HIVEP1: variants seen among roughly 807,000 people sequenced by gnomAD.
HIVEP1 encodes the protein zinc finger protein 40.
A neutral mutation model predicts 180.0 loss-of-function variants in HIVEP1; 36 were observed. That is an observed-to-expected ratio of 0.20 (90% CI 0.15 to 0.26). The LOEUF is 0.26. Among genes scored for constraint, HIVEP1 ranks in the 10% least tolerant of loss-of-function variants. HIVEP1 has a pLI of 1.00. For missense variants in HIVEP1, 3,143 were observed against 3,268.7 expected (o/e 0.96, Z 0.94); for synonymous variants, 1,239 against 1,239.0 (o/e 1.00, Z 0.00).
chr6:12,020,520 T>C, intron 2 of HIVEP1: 1 of 458,016 alleles, frequency 2.2e-6, no homozygotes, highest in East Asian at 7.0e-5. Context: ...GGCCTTCGCT[T>C]GGACCCTTGA....
chr6:12,188,086 T>C, the HIVEP1 span, among the ~76,000 whole-genome samples: 2 of 152,170 alleles, frequency 1.3e-5, no homozygotes, highest in African/African-American at 2.4e-5. Flanking sequence ...GTCTGAGATA[T>C]TTTCAGTTAA....
intron 8 of HIVEP1, 130 bp from the exon 9 acceptor site, chr6:12,163,153 A>C (rs977446243): frequency 3.8e-5 from 28 of 740,988 alleles, no homozygotes; most frequent in Non-Finnish European, 6.3e-5. Context: ...CATTGCAGCA[A>C]ACATCATTTT....
At position 12,124,635 on chromosome 6, in the gene HIVEP1, C is replaced by T. The variant is rs761408357; in HGVS notation, c.4840C>T (p.Pro1614Ser). ...AATTGACAGCATGTCTAATTCGCAT[C>T]CTCTGCTACCACCAGAGCTCAGGCC... ...KLIDSMSNSH[P>S]LLPPELRPLG... The change falls in exon 4 of 9, where the codon CCT (proline) becomes TCT (serine). Residue 1614 changes from proline (P) to serine (S), a missense_variant. Around this residue, in one of 12 missense-constraint regions of HIVEP1, gnomAD observed 1,357 missense variants for 1,260.5 expected, o/e 1.08. Coordinates refer to ENST00000379388, the MANE Select transcript of HIVEP1 (RefSeq NM_002114.4). The T allele has an allele frequency of 1.9e-6, 3 of 1,614,148 alleles. No individual in the cohort carries two copies. Among genetic ancestry groups the T allele is most frequent in the African/African-American group, 1.3e-5 (1 of 75,044 alleles).
chr6:12,207,766 T>TAATAATAATAATAATAATAATAA, the HIVEP1 span, among the ~76,000 whole-genome samples: 13 of 149,640 alleles, frequency 8.7e-5, no homozygotes, highest in Middle Eastern at 3.5e-3. Flanking sequence ...ATAATAATAA[T>TAATAATAATAATAATAATAATAA]TAGCCAGGTG....
In HIVEP1 at chr6:12,164,263, A is replaced by G. The variant is rs374739651; in HGVS notation, c.7959A>G (p.Ile2653Met). The change falls in exon 9 of 9, where the codon ATA becomes ATG. Residue 2653 changes from isoleucine (I) to methionine (M), a missense_variant. By Grantham distance (10) the Ile-to-Met change is conservative. Transcript: ENST00000379388. ...HVKPKPELTSIQGQPASTSQP... is the reference protein window; with the variant it reads ...HVKPKPELTSMQGQPASTSQP... ...AGCCCAAGCCTGAACTCACTTCCAT[A>G]CAGGGCCAACCAGCGTCCACGTCAC... is the stretch of plus-strand genomic sequence containing the variant. 9 of 1,614,012 alleles carry G rather than the reference A, an allele frequency of 5.6e-6. No homozygotes were observed. In the East Asian group the frequency reaches 6.7e-5, roughly 12 times the overall value.
chr6:12,031,876 T>C (rs1247234147), intron 2 of HIVEP1, among the ~76,000 whole-genome samples: 1 of 152,056 alleles, frequency 6.6e-6, no homozygotes, highest in Non-Finnish European at 1.5e-5. Flanking sequence ...TACCATTCTG[T>C]CCTCCTGTGG....
At chr6:12,035,522 T>G (rs768061821) in intron 2 of HIVEP1, among the ~76,000 whole-genome samples, 23 of 152,252 alleles carry the variant, frequency 1.5e-4, no homozygotes, top group Non-Finnish European at 2.6e-4. Context: ...TATGTATTCC[T>G]TGTACTCTGA....
At chr6:12,102,475 C>T (rs1391300612) in intron 3 of HIVEP1, among the ~76,000 whole-genome samples, 4 of 147,138 alleles carry the variant, frequency 2.7e-5, no homozygotes, top group African/African-American at 1.0e-4. Context: ...CACATTGTCC[C>T]TAAGAGGAGG....
In HIVEP1 at chr6:12,119,879, G is replaced by GT; in HGVS notation, c.95-5dup. On this transcript the variant is annotated splice_polypyrimidine_tract_variant and intron_variant, in intron 3 of 8. Transcript: ENST00000379388. ...TTACCAATTGTTTGTTGTTGTTGTT[G>GT]TTTTTTCCAGAAATCTTACAGGCTG... 1 of 1,516,296 alleles carries GT rather than the reference G, an allele frequency of 6.6e-7. No individual in the cohort carries two copies. The highest frequency in any genetic ancestry group is 1.4e-5 in the African/African-American group (1 of 71,568). The allele number at this position is 1,516,296 out of a possible 1,614,324, so 93.9% of individuals were successfully genotyped here.
intron 7 of HIVEP1, 133 bp downstream of exon 7, chr6:12,136,025 C>T (rs1294560244): frequency 1.9e-6 from 1 of 526,182 alleles, no homozygotes; most frequent in East Asian, 3.3e-5. Flanking sequence ...CAGTAGACTC[C>T]TAATTAGTTT....
Position 12,130,755 on chromosome 6 carries a change from T to C in HIVEP1, c.6210-12T>C, listed in dbSNP as rs1185019720. 1.3e-6 allele frequency: 2 copies of C among 1,502,532 alleles called. No individual in the cohort carries two copies. The highest frequency in any genetic ancestry group is 1.8e-6 in the Non-Finnish European group (2 of 1,096,224). The allele number at this position is 1,502,532 out of a possible 1,614,324, so 93.1% of individuals were successfully genotyped here. ...GTCCAATCTCCCTATTCATTTTTTTTCTTTAAATTAGATATAAGTCAAATG... is the reference window on the plus strand; with the variant it reads ...GTCCAATCTCCCTATTCATTTTTTTCCTTTAAATTAGATATAAGTCAAATG... On this transcript the variant is annotated splice_polypyrimidine_tract_variant and intron_variant, in intron 5 of 8. Transcript: ENST00000379388.
At chr6:12,098,016 A>G (rs1255264154) in intron 3 of HIVEP1, among the ~76,000 whole-genome samples, 1 of 152,160 alleles carries the variant, frequency 6.6e-6, no homozygotes, top group Admixed American at 6.5e-5. Flanking sequence ...AAAGACTCAC[A>G]TTCTTGTGCA....
At chr6:12,153,799 G>A (rs967387685) in intron 7 of HIVEP1, among the ~76,000 whole-genome samples, 1 of 152,096 alleles carries the variant, frequency 6.6e-6, no homozygotes, top group Admixed American at 6.5e-5. Context: ...GGCTAATAGG[G>A]AGGTGCTTGT....
At chr6:12,068,978 A>T (rs955521311) in intron 2 of HIVEP1, among the ~76,000 whole-genome samples, 2 of 152,196 alleles carry the variant, frequency 1.3e-5, no homozygotes, top group Admixed American at 1.3e-4. Context: ...AGCTATGATA[A>T]TATTATTCTT....
chr6:12,062,663 A>C (rs1439308692), intron 2 of HIVEP1, among the ~76,000 whole-genome samples: 1 of 152,126 alleles, frequency 6.6e-6, no homozygotes, highest in Non-Finnish European at 1.5e-5. Context: ...TTTTTTCTGA[A>C]TCTCATGCAA....
In HIVEP1 at chr6:12,123,442, AACG is replaced by A. The variant is rs1757831354; in HGVS notation, c.3650_3652del (p.Arg1217del). 1 of 1,614,178 alleles carries A rather than the reference AACG, an allele frequency of 6.2e-7. No homozygotes were observed. Among genetic ancestry groups the A allele is most frequent in the Non-Finnish European group, 8.5e-7 (1 of 1,180,018 alleles). On this transcript the variant is annotated inframe_deletion, in exon 4 of 9. Coordinates refer to ENST00000379388, the MANE Select transcript of HIVEP1 (RefSeq NM_002114.4). ...GAAAGCTCCAGAAAGAGTCCAAGTGAACGACATGTGTTAGGACAGCCCTCAAGA... is the reference window on the plus strand; with the variant it reads ...GAAAGCTCCAGAAAGAGTCCAAGTGAACATGTGTTAGGACAGCCCTCAAGA...
In HIVEP1 at chr6:12,019,072, A is replaced by G. The variant is rs149751084; in HGVS notation, c.40+3404A>G. Among the ~76,000 whole-genome samples, 444 of 152,348 alleles carry G rather than the reference A, an allele frequency of 2.9e-3. 4 individuals are homozygous for G. Among genetic ancestry groups the G allele is most frequent in the African/African-American group, 9.9e-3 (412 of 41,578 alleles). ...CTAAGGTAGTTAAGAACTCACAGCC[A>G]CTAAAGAAAAGATTGGAATAGATTA... On this transcript the variant is annotated intron_variant, in intron 2 of 8. Coordinates refer to ENST00000379388, the MANE Select transcript of HIVEP1 (RefSeq NM_002114.4).
chr6:12,209,747 G>A, the HIVEP1 span, among the ~76,000 whole-genome samples: 5 of 152,306 alleles, frequency 3.3e-5, no homozygotes, highest in South Asian at 1.0e-3. Flanking sequence ...TACACTTAAT[G>A]TAGTATAGCT....
At chr6:12,083,186 C>T (rs1417143577) in intron 2 of HIVEP1, among the ~76,000 whole-genome samples, 1 of 152,032 alleles carries the variant, frequency 6.6e-6, no homozygotes, top group Non-Finnish European at 1.5e-5. Context: ...ACACATTCAT[C>T]TTCATGGCGC....
Sources: allele counts gnomAD v4.1 joint callset (sites outside exome capture counted in the v4.1 genomes callset), GRCh38; gene constraint gnomAD v4.1.1; regional missense constraint gnomAD v4.1.1; transcripts MANE v1.5; gene names NCBI Gene and HGNC (gene_info 2026-07-23, HGNC 2026-07-21).